RUSC2: variants seen among roughly 807,000 people sequenced by gnomAD.
The protein encoded by RUSC2 is AP-4 complex accessory subunit RUSC2.
In RUSC2, 34 loss-of-function variants were observed where a neutral mutation model predicts 122.2. The observed-to-expected ratio is 0.28, with a 90% confidence interval of 0.21 to 0.37. RUSC2 has a LOEUF of 0.37. Ranked by LOEUF, RUSC2 falls within the 10% of genes least tolerant of loss-of-function variation. RUSC2 has a pLI of 1.00. For missense variants in RUSC2, 1,747 were observed against 1,952.4 expected, an observed-to-expected ratio of 0.89 and a Z score of 1.98; for synonymous variants, 784 against 790.0, an observed-to-expected ratio of 0.99 and a Z score of 0.13.
chr9:35,554,971 T>C, intron 2 of RUSC2, 89 bp from the exon 3 acceptor site: 1 of 1,491,178 alleles, frequency 6.7e-7, no homozygotes, highest in Non-Finnish European at 9.2e-7. Context: ...TCCCTGCCCC[T>C]CTCCCCTCTC....
Position 35,560,947 on chromosome 9 carries a change from C to T in RUSC2, c.4212-13C>T, listed in dbSNP as rs1386483329. 8.1e-6 allele frequency: 13 copies of T among 1,611,866 alleles called. No homozygotes were observed. ...CATCCTGGGCAGAGCCTGAGTCCAG[C>T]TGCTGTCCCTAGGCTCCCCTCGGAC... On this transcript the variant is annotated splice_polypyrimidine_tract_variant and intron_variant, in intron 10 of 11. Transcript: ENST00000361226.
chr9:35,560,007 G>A (rs1822109330), intron 9 of RUSC2, 22 bp from the exon 10 acceptor site: 1 of 1,561,262 alleles, frequency 6.4e-7, no homozygotes, highest in Non-Finnish European at 8.7e-7. Flanking sequence ...GTGTGGATCA[G>A]TCCCTCTCTC....
chr9:35,495,240 GATAT>G (rs1202140229), intron 1 of RUSC2, among the ~76,000 whole-genome samples: 1 of 61,256 alleles, frequency 1.6e-5, no homozygotes, highest in Non-Finnish European at 3.4e-5. Flanking sequence ...TATTATATAT[GATAT>G]ATATAATATA....
At chr9:35,535,792 G>A (rs916717507) in intron 1 of RUSC2, among the ~76,000 whole-genome samples, 1 of 151,836 alleles carries the variant, frequency 6.6e-6, no homozygotes, top group Non-Finnish European at 1.5e-5. Context: ...TGCCCGCCTC[G>A]GCCTCTCAAA....
chr9:35,548,861 C>A lies in RUSC2; in HGVS notation c.2014+326C>A. 3.4e-6 allele frequency: 2 copies of A among 590,798 alleles called. No individual in the cohort carries two copies. The highest frequency in any genetic ancestry group is 4.3e-6 in the Non-Finnish European group (2 of 469,574). 36.6% of individuals were successfully genotyped at this position (590,798 alleles called of 1,614,324 possible). Reference sequence around the variant, plus strand: ...CCTGGCCAACATAATGAAACCCCAGCTCTACTAAAATAAAAAATAAACTAG... The same window carrying A: ...CCTGGCCAACATAATGAAACCCCAGATCTACTAAAATAAAAAATAAACTAG... On this transcript the variant is annotated intron_variant, in intron 2 of 11. Coordinates refer to ENST00000361226, the MANE Select transcript of RUSC2 (RefSeq NM_014806.5). This position sits in a 1 kb window ranked among gnomAD's most constrained non-coding sequence, Gnocchi z 4.5.
At chr9:35,501,064 T>A (rs894999191) in intron 1 of RUSC2, among the ~76,000 whole-genome samples, 2 of 152,204 alleles carry the variant, frequency 1.3e-5, no homozygotes, top group Non-Finnish European at 2.9e-5. Context: ...GAATCTATAG[T>A]AGAGAATAAA....
intron 1 of RUSC2, among the ~76,000 whole-genome samples, chr9:35,530,796 C>T (rs562093298): frequency 7.2e-5 from 11 of 152,196 alleles, no homozygotes; most frequent in African/African-American, 2.6e-4. Context: ...CACACCACCA[C>T]ACCTGGCTAA....
intron 1 of RUSC2, among the ~76,000 whole-genome samples, chr9:35,535,333 C>G (rs1396830260): frequency 1.3e-5 from 2 of 151,890 alleles, no homozygotes; most frequent in Non-Finnish European, 2.9e-5. Context: ...CCAGGCTGGT[C>G]TTGAACTCCT....
At chr9:35,518,134 G>C (rs568130227) in intron 1 of RUSC2, among the ~76,000 whole-genome samples, 10 of 152,312 alleles carry the variant, frequency 6.6e-5, no homozygotes, top group African/African-American at 1.9e-4. Context: ...AGGCTGCACT[G>C]TTGTTCTGAT....
At chr9:35,508,262 G>C (rs530933791) in intron 1 of RUSC2, among the ~76,000 whole-genome samples, 4 of 152,182 alleles carry the variant, frequency 2.6e-5, no homozygotes, top group African/African-American at 9.7e-5. Flanking sequence ...TGGCGCTCTG[G>C]ATTGCATACC....
rs577314800 is a variant in RUSC2, at chr9:35,535,363, G to A, written c.-92-11067G>A. 4.1e-3 allele frequency among the ~76,000 whole-genome samples: 623 copies of A among 151,578 alleles called. 5 individuals are homozygous for A. Among genetic ancestry groups the A allele is most frequent in the African/African-American group, 0.014 (597 of 41,362 alleles). On this transcript the variant is annotated intron_variant, in intron 1 of 11. Coordinates refer to ENST00000361226, the MANE Select transcript of RUSC2 (RefSeq NM_014806.5). ...ACTCCTGACCTCAGGTGATCTGCCCGCTTCGGCCCCCCAAAGTGCTAGGAT... is the reference window on the plus strand; with the variant it reads ...ACTCCTGACCTCAGGTGATCTGCCCACTTCGGCCCCCCAAAGTGCTAGGAT...
At position 35,492,911 on chromosome 9, in the gene RUSC2, A is replaced by G. The variant is rs113516397; in HGVS notation, c.-93+2739A>G. On this transcript the variant is annotated intron_variant, in intron 1 of 11. Coordinates refer to ENST00000361226, the MANE Select transcript of RUSC2 (RefSeq NM_014806.5). Reference sequence around the variant, plus strand: ...TTGACTACTGGGGGTACCTCATATAAGTGGAATCATGCACTATTTGTCTCT... The same window carrying G: ...TTGACTACTGGGGGTACCTCATATAGGTGGAATCATGCACTATTTGTCTCT... Among the ~76,000 whole-genome samples the G allele has an allele frequency of 6.4e-3, 971 of 152,160 alleles. 15 individuals carry two copies. The highest frequency in any genetic ancestry group is 0.021 in the African/African-American group (885 of 41,490).
At chr9:35,540,765 G>C (rs1199644064) in intron 1 of RUSC2, among the ~76,000 whole-genome samples, 1 of 152,240 alleles carries the variant, frequency 6.6e-6, no homozygotes, top group Non-Finnish European at 1.5e-5. Context: ...TCTGGGAGCA[G>C]AGTAATTGCA....
chr9:35,516,288 T>C (rs1821105562), intron 1 of RUSC2, among the ~76,000 whole-genome samples: 1 of 152,038 alleles, frequency 6.6e-6, no homozygotes, highest in Non-Finnish European at 1.5e-5. Flanking sequence ...AAATTTTTGC[T>C]CACCCCTACC....
chr9:35,492,348 T>C (rs1159811633), intron 1 of RUSC2, among the ~76,000 whole-genome samples: 10 of 152,052 alleles, frequency 6.6e-5, no homozygotes, highest in Admixed American at 6.6e-4. Context: ...CTGTTACTCA[T>C]ACACAATGAC....
chr9:35,536,447 CAG>C (rs770948450), intron 1 of RUSC2, among the ~76,000 whole-genome samples: 1 of 152,106 alleles, frequency 6.6e-6, no homozygotes, highest in Non-Finnish European at 1.5e-5. Flanking sequence ...ACAAATACAA[CAG>C]AGTGGAAATG....
chr9:35,495,270 A>T (rs1007417369), intron 1 of RUSC2, among the ~76,000 whole-genome samples: 1 of 115,292 alleles, frequency 8.7e-6, no homozygotes, highest in East Asian at 2.5e-4. Context: ...TATATTTTTT[A>T]TATATTATAT....
At position 35,548,517 on chromosome 9, in the gene RUSC2, G is replaced by T; in HGVS notation, c.1996G>T (p.Ala666Ser). ...SPANSHTQRD[A>S]RARADGGGTE... ...AGCCAACAGCCATACCCAGAGGGAT[G>T]CAAGAGCTAGAGCTGACGGTAAGGA... Residue 666 changes from alanine (A) to serine (S), a missense_variant, in exon 2 of 12, where the codon GCA (alanine) becomes TCA (serine). Physicochemically the swap from Ala to Ser is moderately conservative, Grantham distance 99. Coordinates refer to ENST00000361226, the MANE Select transcript of RUSC2 (RefSeq NM_014806.5). This position sits in a 1 kb window ranked among gnomAD's most constrained non-coding sequence, Gnocchi z 4.5. 6.2e-7 allele frequency: 1 copy of T among 1,612,382 alleles called. No individual in the cohort carries two copies. Among genetic ancestry groups the T allele is most frequent in the Non-Finnish European group, 8.5e-7 (1 of 1,179,616 alleles).
In RUSC2 at chr9:35,547,430, A is replaced by C. The variant is rs771653729; in HGVS notation, c.909A>C (p.Pro303=). The change falls in exon 2 of 12, where the codon CCA becomes CCC. Residue 303 remains proline (P), a synonymous_variant. Coordinates refer to ENST00000361226, the MANE Select transcript of RUSC2 (RefSeq NM_014806.5). The surrounding 1 kb of genome is among the most constrained non-coding windows in gnomAD (Gnocchi z 4.6). Reference sequence around the variant, plus strand: ...CCCGTGCCAATCTCAACTCTGCCCCACAGTCCTGCAGCGACTCTTCCTTCT... The same window carrying C: ...CCCGTGCCAATCTCAACTCTGCCCCCCAGTCCTGCAGCGACTCTTCCTTCT... ...GTPRANLNSA[P]QSCSDSSFCS... is the part of the protein sequence containing the mutation. 1 of 1,614,100 alleles carries C rather than the reference A, an allele frequency of 6.2e-7. No homozygotes were observed.
Sources: gnomAD v4.1 joint callset for allele counts (sites outside exome capture counted in the v4.1 genomes callset) on GRCh38, gnomAD v4.1.1 for gene constraint, Gnocchi (gnomAD v3.1) non-coding constraint, MANE v1.5 for transcripts, NCBI Gene and HGNC (gene_info 2026-07-23, HGNC 2026-07-21) for gene names.